The following CUX1 variants were observed in gnomAD, a reference collection of about 807,000 sequenced individuals.
CUX1 encodes the protein cut like homeobox 1.
CUX1 carries 31 observed loss-of-function variants against 158.8 expected under a neutral mutation model. The observed-to-expected ratio is 0.20, with a 90% confidence interval of 0.15 to 0.26. The LOEUF is 0.26. Among genes scored for constraint, CUX1 ranks in the 10% least tolerant of loss-of-function variants. The probability of loss-of-function intolerance (pLI) is 1.00; values close to 1 mark genes in which losing one functional copy is unlikely to be tolerated. For synonymous variants in CUX1, 879 were observed against 862.1 expected (o/e 1.02, Z -0.34); for missense variants, 1,589 against 2,014.6 (o/e 0.79, Z 4.04).
intron 2 of CUX1, among the ~76,000 whole-genome samples, chr7:101,998,657 G>A (rs1026482905): frequency 6.6e-6 from 1 of 152,224 alleles, no homozygotes; most frequent in African/African-American, 2.4e-5. Context: ...TCTTTCTGAA[G>A]GTGGACCCAT....
At chr7:102,089,183 T>C (rs1554481492) in intron 4 of CUX1, among the ~76,000 whole-genome samples, 1 of 152,246 alleles carries the variant, frequency 6.6e-6, no homozygotes, top group Admixed American at 6.5e-5. Flanking sequence ...TTCGATTTGA[T>C]TCTTTATGTT....
chr7:101,838,062 G>A (rs564908228), intron 1 of CUX1, among the ~76,000 whole-genome samples: 5 of 151,222 alleles, frequency 3.3e-5, no homozygotes, highest in East Asian at 3.9e-4. Flanking sequence ...GTGTGTATAC[G>A]TGGTTTTAAT....
chr7:102,240,581 T>C (rs981156604), intron 23 of CUX1, among the ~76,000 whole-genome samples: 6 of 152,120 alleles, frequency 3.9e-5, no homozygotes, highest in African/African-American at 1.4e-4. Flanking sequence ...CTTAGTGATT[T>C]TGCAGTGCTT....
At position 102,248,660 on chromosome 7, in the gene CUX1, G is replaced by A; in HGVS notation, c.4136G>A (p.Gly1379Glu). The change falls in exon 24 of 24, where the codon GGG (glycine) becomes GAG (glutamate). Residue 1379 changes from glycine to glutamate, a missense_variant. By Grantham distance (98) the Gly-to-Glu change is moderately conservative. Around this residue, in one of 8 missense-constraint regions of CUX1, gnomAD observed 344 missense variants for 323.7 expected, o/e 1.06. Transcript: ENST00000292535. The surrounding 1 kb of genome is among the most constrained non-coding windows in gnomAD (Gnocchi z 5.8). ...PAEQTEPPPSGTPGPDDARDD... is the reference protein window; with the variant it reads ...PAEQTEPPPSETPGPDDARDD... ...GAGCAGACGGAGCCGCCGCCCTCGG[G>A]GACCCCGGGCCCGGACGACGCCCGC... 2.2e-6 allele frequency: 3 copies of A among 1,353,104 alleles called. No homozygotes were observed. The highest frequency in any genetic ancestry group is 9.5e-7 in the Non-Finnish European group (1 of 1,054,644). The allele number at this position is 1,353,104 out of a possible 1,614,324, so 83.8% of individuals were successfully genotyped here. A position where few individuals can be genotyped will look rare whatever the true frequency, so the allele number is the denominator to read the frequency against.
intron 2 of CUX1, among the ~76,000 whole-genome samples, chr7:101,926,055 C>G (rs1034477137): frequency 8.5e-5 from 13 of 152,174 alleles, no homozygotes; most frequent in African/African-American, 3.1e-4. Context: ...TTCTCTCATC[C>G]TCTAAAGAAA....
chr7:101,867,174 G>A (rs111554491), intron 1 of CUX1, among the ~76,000 whole-genome samples: 94 of 152,002 alleles, frequency 6.2e-4, no homozygotes, highest in African/African-American at 2.2e-3. Flanking sequence ...CTGAGATTGT[G>A]CCACTGCACT....
intron 20 of CUX1, among the ~76,000 whole-genome samples, chr7:102,225,192 G>A (rs1554528257): frequency 6.6e-6 from 1 of 152,116 alleles, no homozygotes; most frequent in Non-Finnish European, 1.5e-5. Context: ...TTCAAAAACC[G>A]GTTTGGCATG....
At chr7:101,830,470 G>C (rs1793862461) in intron 1 of CUX1, among the ~76,000 whole-genome samples, 1 of 152,142 alleles carries the variant, frequency 6.6e-6, no homozygotes, top group Non-Finnish European at 1.5e-5. Flanking sequence ...TTTTGTTGTT[G>C]TTGTTTTGAG....
intron 1 of CUX1, among the ~76,000 whole-genome samples, chr7:101,829,279 A>T (rs1049070835): frequency 6.6e-6 from 1 of 152,208 alleles, no homozygotes; most frequent in Admixed American, 6.5e-5. Flanking sequence ...TGGGTTCCAC[A>T]TACCATATCT....
intron 3 of CUX1, among the ~76,000 whole-genome samples, chr7:102,041,410 A>G (rs922500848): frequency 6.6e-6 from 1 of 150,854 alleles, no homozygotes; most frequent in Admixed American, 6.6e-5. Flanking sequence ...GTGCGCCACC[A>G]TGTCCGGCTA....
intron 1 of CUX1, among the ~76,000 whole-genome samples, chr7:101,821,400 A>G (rs923183888): frequency 2.7e-5 from 4 of 149,978 alleles, no homozygotes; most frequent in South Asian, 2.1e-4. Flanking sequence ...GTGCAGAGGC[A>G]CTATCTCAGC....
At chr7:101,939,322 C>T (rs996634496) in intron 2 of CUX1, among the ~76,000 whole-genome samples, 65 of 151,852 alleles carry the variant, frequency 4.3e-4, no homozygotes, top group Admixed American at 1.2e-3. Context: ...ACAGTGTGGC[C>T]GCTGTCAGTG....
intron 13 of CUX1, among the ~76,000 whole-genome samples, 172 bp from the exon 14 acceptor site, chr7:102,195,335 G>A (rs1794679867): frequency 1.3e-5 from 2 of 152,192 alleles, no homozygotes; most frequent in Non-Finnish European, 1.5e-5. Context: ...TGTTTTCCAC[G>A]TGTGTTAAAC....
chr7:102,193,382 A>C (rs1484062370), intron 12 of CUX1, among the ~76,000 whole-genome samples: 1 of 152,254 alleles, frequency 6.6e-6, no homozygotes, highest in Non-Finnish European at 1.5e-5. Context: ...TGCTAGTTGA[A>C]TAGTTATTCT....
At chr7:102,219,330 C>A (rs1797581758) in intron 20 of CUX1, among the ~76,000 whole-genome samples, 1 of 152,108 alleles carries the variant, frequency 6.6e-6, no homozygotes, top group African/African-American at 2.4e-5. Flanking sequence ...CACCCATCCC[C>A]TCTAGTTCCT....
chr7:102,012,736 C>T (rs1173257448), intron 2 of CUX1, among the ~76,000 whole-genome samples: 2 of 151,720 alleles, frequency 1.3e-5, no homozygotes, highest in African/African-American at 4.9e-5. Flanking sequence ...CTTTGTATCT[C>T]TGTCTCTCAG....
chr7:101,881,677 G>A (rs1048816996), intron 1 of CUX1, among the ~76,000 whole-genome samples: 2 of 152,124 alleles, frequency 1.3e-5, no homozygotes, highest in South Asian at 2.1e-4. Flanking sequence ...CCTTTTCAGC[G>A]ATTTGACAGC....
At position 102,265,356 on chromosome 7, in the gene CUX1, C is replaced by CAA. The variant is rs34123323; in HGVS notation, c.1256-7998_1256-7997dup. Among the ~76,000 whole-genome samples, 1,108 of 141,212 alleles carry CAA rather than the reference C, an allele frequency of 7.8e-3. 16 individuals carry two copies. Among genetic ancestry groups the CAA allele is most frequent in the African/African-American group, 0.025 (966 of 38,774 alleles). 92.6% of individuals were successfully genotyped at this position (141,212 alleles called of 152,430 possible). On this transcript the variant is annotated intron_variant, in intron 14 of 22. Coordinates refer to the CUX1 transcript ENST00000292538. The stretch of plus-strand genomic sequence containing the variant: ...GGGCAACAAGAGCAAAAATCTGTCT[C>CAA]AAAAAAAAAAAAAGAGAAAGAAAGA...
chr7:102,280,954 A>C (rs1792022159), intron 20 of CUX1: 3 of 1,170,742 alleles, frequency 2.6e-6, no homozygotes, highest in Non-Finnish European at 3.7e-6. Context: ...AGGCTGGAGG[A>C]GCCGCCAGCC....
Sources: gnomAD v4.1 joint callset for allele counts (sites outside exome capture counted in the v4.1 genomes callset) on GRCh38, gnomAD v4.1.1 for gene constraint, gnomAD v4.1.1 regional missense constraint, Gnocchi (gnomAD v3.1) non-coding constraint, MANE v1.5 for transcripts, NCBI Gene and HGNC (gene_info 2026-07-23, HGNC 2026-07-21) for gene names.